Variants in CADPS observed in about 807,000 individuals in gnomAD.
CADPS encodes the protein calcium dependent secretion activator, also known as calcium-dependent secretion activator 1.
Under a neutral mutation model 167.3 loss-of-function variants are expected in CADPS, and 57 were observed. The observed-to-expected ratio is 0.34, with a 90% CI of 0.28 to 0.42. The LOEUF (loss-of-function observed/expected upper bound fraction) is 0.42, where lower values mean the gene tolerates loss of function less well. CADPS is among the 20% of genes least tolerant of loss of function. The probability of loss-of-function intolerance (pLI) is 1.00; values close to 1 mark genes in which losing one functional copy is unlikely to be tolerated. For missense variants in CADPS, 1,414 were observed against 1,738.1 expected, an observed-to-expected ratio of 0.81 and a Z score of 3.32; for synonymous variants, 676 against 635.3, an observed-to-expected ratio of 1.06 and a Z score of -0.96.
intron 1 of CADPS, among the ~76,000 whole-genome samples, chr3:62,770,796 C>T (rs1291750342): frequency 3.3e-5 from 5 of 152,086 alleles, no homozygotes; most frequent in African/African-American, 1.2e-4. Flanking sequence ...ACAACATTAC[C>T]CAGACCCCAG....
rs560028620 is a variant in CADPS, at chr3:62,579,231, G to A, written c.1577+5954C>T. 2.6e-5 allele frequency among the ~76,000 whole-genome samples: 4 copies of A among 152,268 alleles called. No individual in the cohort carries two copies. In the South Asian group the frequency reaches 8.3e-4, roughly 32 times the overall value. On this transcript the variant is annotated intron_variant, in intron 8 of 29. Transcript: ENST00000383710. ...GGTTGGATCGAAAGCAATAACTGTG[G>A]ACCGAGCTCTAATGCTTACTCTGAC... is the stretch of plus-strand genomic sequence containing the variant.
At chr3:62,679,204 G>A (rs1156510820) in intron 3 of CADPS, among the ~76,000 whole-genome samples, 1 of 152,088 alleles carries the variant, frequency 6.6e-6, no homozygotes, top group Non-Finnish European at 1.5e-5. Context: ...AAGAATTGGA[G>A]GGAGACAGCC....
intron 7 of CADPS, among the ~76,000 whole-genome samples, chr3:62,591,896 C>G (rs1459836137): frequency 1.3e-5 from 2 of 152,092 alleles, no homozygotes; most frequent in Admixed American, 6.6e-5. Context: ...CTTCCTGCAT[C>G]CCATCTGACT....
At chr3:62,627,130 T>TTGTGTGTGTGTGTGTG (rs10547515) in intron 6 of CADPS, among the ~76,000 whole-genome samples, 26 of 148,450 alleles carry the variant, frequency 1.8e-4, no homozygotes, top group African/African-American at 5.9e-4. Context: ...TACTTTCCAG[T>TTGTGTGTGTGTGTGTG]TGTGTGTGTG....
intron 18 of CADPS, among the ~76,000 whole-genome samples, chr3:62,495,551 C>G (rs2064568912): frequency 1.3e-5 from 2 of 152,208 alleles, no homozygotes; most frequent in African/African-American, 4.8e-5. Flanking sequence ...ACTTCGGCTA[C>G]TAAATACTTA....
chr3:62,771,497 A>G (rs966213646), intron 1 of CADPS, among the ~76,000 whole-genome samples: 1 of 152,178 alleles, frequency 6.6e-6, no homozygotes, highest in Non-Finnish European at 1.5e-5. Context: ...TGAACCCAAA[A>G]GGTGACCTTG....
At chr3:62,489,271 C>T (rs2063324360) in intron 21 of CADPS, among the ~76,000 whole-genome samples, 1 of 152,122 alleles carries the variant, frequency 6.6e-6, no homozygotes, top group African/African-American at 2.4e-5. Context: ...CACCATTCTC[C>T]TGCCTCAGCC....
At chr3:62,789,365 T>C (rs1252918495) in intron 1 of CADPS, among the ~76,000 whole-genome samples, 3 of 152,216 alleles carry the variant, frequency 2.0e-5, no homozygotes, top group Non-Finnish European at 4.4e-5. Flanking sequence ...CTAAAGCCAA[T>C]GTTCTTAATA....
At chr3:62,533,581 C>A (rs574588342) in intron 12 of CADPS, among the ~76,000 whole-genome samples, 1 of 152,114 alleles carries the variant, frequency 6.6e-6, no homozygotes, top group Non-Finnish European at 1.5e-5. Context: ...AAATCCTGGT[C>A]GTTAAGTGAC....
At chr3:62,475,646 A>G (rs2061225661) in intron 23 of CADPS, among the ~76,000 whole-genome samples, 1 of 149,582 alleles carries the variant, frequency 6.7e-6, no homozygotes, top group Non-Finnish European at 1.5e-5. Flanking sequence ...AAACACCCCT[A>G]TATATTATAT....
intron 3 of CADPS, among the ~76,000 whole-genome samples, chr3:62,747,803 CCTG>C (rs2081806414): frequency 6.6e-6 from 1 of 151,970 alleles, no homozygotes. Context: ...GGATGTTATC[CCTG>C]CTGCCAGTTG....
chr3:62,812,544 C>T (rs1171562796), intron 1 of CADPS, among the ~76,000 whole-genome samples: 1 of 152,156 alleles, frequency 6.6e-6, no homozygotes, highest in East Asian at 1.9e-4. Flanking sequence ...AGTCATTCAG[C>T]TTCAGATGTG....
chr3:62,551,027 T>G (rs1193589780), intron 10 of CADPS: 1 of 428,058 alleles, frequency 2.3e-6, no homozygotes, highest in African/African-American at 2.0e-5. Flanking sequence ...CTTCTCTTCC[T>G]TAGAAGCACC....
intron 3 of CADPS, among the ~76,000 whole-genome samples, chr3:62,663,618 A>AC (rs1373537055): frequency 9.2e-6 from 1 of 109,256 alleles, no homozygotes; most frequent in Non-Finnish European, 2.2e-5. Context: ...CTCCAAAAAA[A>AC]AAAAAAAAAA....
intron 3 of CADPS, among the ~76,000 whole-genome samples, chr3:62,729,963 G>T (rs4688331): frequency 0.011 from 1,741 of 151,850 alleles, 124 homozygotes; most frequent in Admixed American, 0.1. Context: ...CAAACTTTTG[G>T]CATAAAGCAT....
intron 9 of CADPS, among the ~76,000 whole-genome samples, chr3:62,561,078 CA>C (rs34584073): frequency 1.4e-4 from 12 of 83,580 alleles, no homozygotes; most frequent in African/African-American, 2.0e-4. Flanking sequence ...AACTCCATCT[CA>C]AAAAAAAAAA....
intron 4 of CADPS, among the ~76,000 whole-genome samples, chr3:62,656,016 T>A (rs1459863882): frequency 1.3e-5 from 2 of 152,090 alleles, no homozygotes; most frequent in Admixed American, 1.3e-4. Flanking sequence ...GAATGCTGGG[T>A]CTGCTGCTTA....
At chr3:62,649,219 T>G (rs1264338353) in intron 5 of CADPS, among the ~76,000 whole-genome samples, 3 of 152,132 alleles carry the variant, frequency 2.0e-5, no homozygotes, top group Admixed American at 6.5e-5. Context: ...AATTTTGGAG[T>G]GGATAAGAAG....
Position 62,602,020 on chromosome 3 carries a change from T to C in CADPS, c.1326-9272A>G, listed in dbSNP as rs1316486331. Among the ~76,000 whole-genome samples the C allele has an allele frequency of 1.3e-5, 2 of 152,138 alleles. No individual in the cohort carries two copies. Among genetic ancestry groups the C allele is most frequent in the Non-Finnish European group, 2.9e-5 (2 of 68,020 alleles). ...TTTGCGGAAGCCTCCTCAGACCATA[T>C]GTTATCAACAAATGTTGCTAATCAA... On this transcript the variant is annotated intron_variant, in intron 6 of 29. Transcript: ENST00000383710. The surrounding 1 kb of genome is among the most constrained non-coding windows in gnomAD (Gnocchi z 4.4).
Sources: allele counts gnomAD v4.1 joint callset (sites outside exome capture counted in the v4.1 genomes callset), GRCh38; gene constraint gnomAD v4.1.1; non-coding constraint Gnocchi (gnomAD v3.1); transcripts MANE v1.5; gene names NCBI Gene and HGNC (gene_info 2026-07-23, HGNC 2026-07-21).